The following DIP2B variants were observed in gnomAD, a reference collection of about 807,000 sequenced individuals.
The protein encoded by DIP2B is disco-interacting protein 2 homolog B.
DIP2B carries 76 observed loss-of-function variants against 198.0 expected under a neutral mutation model. That is an observed-to-expected ratio of 0.38 (90% CI 0.32 to 0.46). The LOEUF (loss-of-function observed/expected upper bound fraction) is 0.46, where lower values mean the gene tolerates loss of function less well. Ranked by LOEUF, DIP2B falls within the 20% of genes least tolerant of loss-of-function variation. The pLI, the probability that DIP2B is intolerant of heterozygous loss-of-function variation, is 0.99. For synonymous variants in DIP2B, 701 were observed against 739.1 expected (o/e 0.95, Z 0.84); for missense variants, 1,559 against 1,978.4 (o/e 0.79, Z 4.02).
chr12:50,516,136 C>G (rs1217586025), intron 1 of DIP2B, among the ~76,000 whole-genome samples: 1 of 152,094 alleles, frequency 6.6e-6, no homozygotes, highest in Non-Finnish European at 1.5e-5. Flanking sequence ...CAGGCTCCCT[C>G]AAGCTTGTTT....
intron 19 of DIP2B, among the ~76,000 whole-genome samples, chr12:50,702,423 G>A (rs1030352064): frequency 6.6e-6 from 1 of 151,750 alleles, no homozygotes; most frequent in African/African-American, 2.4e-5. Context: ...TTAGCCGGGT[G>A]TGGTGGCAGG....
intron 19 of DIP2B, among the ~76,000 whole-genome samples, chr12:50,703,030 T>G (rs1039360553): frequency 1.3e-5 from 2 of 151,938 alleles, no homozygotes; most frequent in Non-Finnish European, 2.9e-5. Flanking sequence ...GTTCAATACC[T>G]CTGGACAATG....
intron 1 of DIP2B, among the ~76,000 whole-genome samples, chr12:50,511,240 G>A (rs1958012553): frequency 6.7e-6 from 1 of 149,392 alleles, no homozygotes; most frequent in Non-Finnish European, 1.5e-5. Flanking sequence ...CACTGTGCCA[G>A]GCTCAAGTAC....
intron 1 of DIP2B, among the ~76,000 whole-genome samples, chr12:50,588,366 T>G (rs1593632965): frequency 6.6e-6 from 1 of 151,992 alleles, no homozygotes; most frequent in Non-Finnish European, 1.5e-5. Context: ...GCCAGGCTGG[T>G]CTTGAACTCC....
At chr12:50,640,960 C>A in intron 3 of DIP2B, 108 bp downstream of exon 3, 1 of 1,348,152 alleles carries the variant, frequency 7.4e-7, no homozygotes, top group Non-Finnish European at 9.9e-7. Flanking sequence ...TATGAGGCAC[C>A]AACAGTTTTA....
At position 50,731,405 on chromosome 12, in the gene DIP2B, T is replaced by C; in HGVS notation, c.3678T>C (p.Pro1226=). The C allele has an allele frequency of 6.2e-7, 1 of 1,614,062 alleles. No individual in the cohort carries two copies. Among genetic ancestry groups the C allele is most frequent in the Non-Finnish European group, 8.5e-7 (1 of 1,180,016 alleles). ...GCCACCAGTCTGTCTTAATTCCTCC[T>C]ATGGAGTTAGAGAACAACCTTTTCC... ...YSGHQSVLIP[P]MELENNLFLW... Residue 1226 remains proline, a synonymous_variant, in exon 31 of 38, where the codon CCT becomes CCC. Transcript: ENST00000301180.
chr12:50,697,169 T>A lies in DIP2B; in HGVS notation c.2042T>A (p.Ile681Asn). 1 of 1,613,930 alleles carries A rather than the reference T, an allele frequency of 6.2e-7. No individual in the cohort carries two copies. Among genetic ancestry groups the A allele is most frequent in the Non-Finnish European group, 8.5e-7 (1 of 1,179,876 alleles). ...ATSAEAMTVAIRRPGVPGAPL... is the reference protein window; with the variant it reads ...ATSAEAMTVANRRPGVPGAPL... ...TCTGCTGAAGCCATGACTGTAGCAA[T>A]CCGCAGGTACTGTTCAGGATGTCAG... is the stretch of plus-strand genomic sequence containing the variant. The change falls in exon 17 of 38, where the codon ATC becomes AAC. Residue 681 changes from isoleucine to asparagine, a missense_variant. Coordinates refer to ENST00000301180, the MANE Select transcript of DIP2B (RefSeq NM_173602.3).
intron 13 of DIP2B, 103 bp from the exon 14 acceptor site, chr12:50,692,846 A>C: frequency 9.8e-7 from 1 of 1,020,518 alleles, no homozygotes; most frequent in Admixed American, 2.5e-5. Context: ...TAAAAGAAAA[A>C]GCAAACAAAC....
chr12:50,655,599 A>G (rs369148148), intron 3 of DIP2B, among the ~76,000 whole-genome samples: 44 of 152,368 alleles, frequency 2.9e-4, no homozygotes, highest in African/African-American at 1.1e-3. Flanking sequence ...TGATACTTTA[A>G]CTATATGTCC....
rs954057826 is a variant in DIP2B at position 50,616,488 on chromosome 12, A to G, written c.101-9488A>G. Among the ~76,000 whole-genome samples, 9 of 152,254 alleles carry G rather than the reference A, an allele frequency of 5.9e-5. No individual in the cohort carries two copies. In the East Asian group the frequency reaches 1.7e-3, roughly 29 times the overall value. On this transcript the variant is annotated intron_variant, in intron 1 of 37. Transcript: ENST00000301180. ...GAGCTTTATTTCTGGCTAAACTATGAAAATGTTATGTCTTTTTACTCTTTT... is the reference window on the plus strand; with the variant it reads ...GAGCTTTATTTCTGGCTAAACTATGGAAATGTTATGTCTTTTTACTCTTTT...
chr12:50,630,782 C>T (rs1007078968), intron 2 of DIP2B, among the ~76,000 whole-genome samples: 1 of 148,020 alleles, frequency 6.8e-6, no homozygotes, highest in Non-Finnish European at 1.5e-5. Flanking sequence ...AGCGATTATC[C>T]TGCCTCAGCC....
At chr12:50,571,481 GC>G (rs1329880688) in intron 1 of DIP2B, among the ~76,000 whole-genome samples, 2 of 150,254 alleles carry the variant, frequency 1.3e-5, no homozygotes, top group Admixed American at 6.6e-5. Flanking sequence ...CCTATTGGCA[GC>G]CTTTTGAAAG....
intron 1 of DIP2B, among the ~76,000 whole-genome samples, chr12:50,505,848 T>G (rs80297575): frequency 0.064 from 9,783 of 151,890 alleles, 744 homozygotes; most frequent in East Asian, 0.38. Context: ...TTAGACCACC[T>G]TTGTCATAAG....
chr12:50,522,087 G>A (rs1302320625), intron 1 of DIP2B, among the ~76,000 whole-genome samples: 1 of 151,866 alleles, frequency 6.6e-6, no homozygotes, highest in Admixed American at 6.6e-5. Context: ...TGCAACCTCC[G>A]TGTCCGGGGT....
Position 50,647,087 on chromosome 12 carries a change from C to G in DIP2B, c.301+6235C>G, listed in dbSNP as rs559587489. 2.6e-5 allele frequency among the ~76,000 whole-genome samples: 4 copies of G among 152,090 alleles called. No homozygotes were observed. In the East Asian group the frequency reaches 7.7e-4, roughly 29 times the overall value. ...GGGTGGGGGACGCTGTGGTCCCGCTCTGTTGTCTAGGATGAAATGGAGTGA... is the reference window on the plus strand; with the variant it reads ...GGGTGGGGGACGCTGTGGTCCCGCTGTGTTGTCTAGGATGAAATGGAGTGA... On this transcript the variant is annotated intron_variant, in intron 3 of 37. Coordinates refer to ENST00000301180, the MANE Select transcript of DIP2B (RefSeq NM_173602.3).
At chr12:50,602,788 G>A (rs554842077) in intron 1 of DIP2B, among the ~76,000 whole-genome samples, 2 of 150,060 alleles carry the variant, frequency 1.3e-5, no homozygotes, top group African/African-American at 4.9e-5. Context: ...GAACCTGAGA[G>A]GTGGAGGTTG....
At chr12:50,516,213 A>ATCTCTCTCTCTCTCTCTCTCTCTC (rs68059796) in intron 1 of DIP2B, among the ~76,000 whole-genome samples, 1 of 128,506 alleles carries the variant, frequency 7.8e-6, no homozygotes, top group Non-Finnish European at 1.7e-5. Context: ...TAGAGGCACC[A>ATCTCTCTCTCTCTCTCTCTCTCTC]TCTCTCTCTC....
intron 9 of DIP2B, 32 bp downstream of exon 9, chr12:50,680,795 G>A (rs1939027524): frequency 1.4e-5 from 22 of 1,577,574 alleles, no homozygotes; most frequent in Non-Finnish European, 1.9e-5. Flanking sequence ...TTAGGGAGGT[G>A]GTGTTTATTG....
chr12:50,563,598 C>T (rs1352500023), intron 1 of DIP2B, among the ~76,000 whole-genome samples: 1 of 150,674 alleles, frequency 6.6e-6, no homozygotes, highest in African/African-American at 2.4e-5. Flanking sequence ...TTAAGTGATC[C>T]TCTTCTCTTG....
Sources: gnomAD v4.1 joint callset for allele counts (sites outside exome capture counted in the v4.1 genomes callset) on GRCh38, gnomAD v4.1.1 for gene constraint, MANE v1.5 for transcripts, NCBI Gene and HGNC (gene_info 2026-07-23, HGNC 2026-07-21) for gene names.